Variants in MACROD2 observed in about 807,000 individuals in gnomAD.
MACROD2 encodes the protein ADP-ribose glycohydrolase MACROD2.
Under a neutral mutation model 70.4 loss-of-function variants are expected in MACROD2, and 36 were observed. The ratio of observed to expected loss-of-function variants is 0.51; its 90% CI spans 0.39 to 0.68. The LOEUF (loss-of-function observed/expected upper bound fraction) is 0.68. MACROD2 is among the 30% of genes least tolerant of loss of function. MACROD2 has a pLI of 0.00. For synonymous variants in MACROD2, 172 were observed against 178.8 expected (o/e 0.96, Z 0.30); for missense variants, 496 against 538.4 (o/e 0.92, Z 0.78).
chr20:15,799,737 G>A (rs2147069616), intron 8 of MACROD2, among the ~76,000 whole-genome samples: 1 of 152,258 alleles, frequency 6.6e-6, no homozygotes. Flanking sequence ...TGTTAACAGT[G>A]CAGCAATAAA....
At chr20:15,369,890 A>G (rs1252887957) in intron 6 of MACROD2, among the ~76,000 whole-genome samples, 1 of 152,160 alleles carries the variant, frequency 6.6e-6, no homozygotes, top group African/African-American at 2.4e-5. Flanking sequence ...AAGATTGTGA[A>G]GCAAAATGTG....
chr20:15,613,714 T>G (rs1468637443), intron 8 of MACROD2, among the ~76,000 whole-genome samples: 1 of 152,240 alleles, frequency 6.6e-6, no homozygotes, highest in Non-Finnish European at 1.5e-5. Flanking sequence ...TCCAGTCTTT[T>G]TTGACTTCGA....
intron 4 of MACROD2, among the ~76,000 whole-genome samples, chr20:14,526,400 T>C (rs1568654560): frequency 6.6e-6 from 1 of 152,310 alleles, no homozygotes; most frequent in East Asian, 1.9e-4. Context: ...TTGGGGGACA[T>C]ACTGACTCAA....
intron 8 of MACROD2, among the ~76,000 whole-genome samples, chr20:15,525,703 CTT>C (rs1170821078): frequency 6.6e-6 from 1 of 152,226 alleles, no homozygotes; most frequent in Non-Finnish European, 1.5e-5. Context: ...ACTAGTGAAA[CTT>C]TGTGTGTTTC....
At chr20:15,958,054 G>A (rs1403748667) in intron 12 of MACROD2, among the ~76,000 whole-genome samples, 1 of 152,190 alleles carries the variant, frequency 6.6e-6, no homozygotes, top group Non-Finnish European at 1.5e-5. Context: ...TAGACTCTTA[G>A]GGAAAGCTAC....
intron 8 of MACROD2, among the ~76,000 whole-genome samples, chr20:15,788,822 C>T (rs545174637): frequency 2.6e-5 from 4 of 152,172 alleles, no homozygotes; most frequent in South Asian, 2.1e-4. Flanking sequence ...ATTATGAGGG[C>T]GTTTTAAACC....
chr20:14,091,040 GTCT>G (rs903174167), intron 3 of MACROD2, among the ~76,000 whole-genome samples: 1 of 152,104 alleles, frequency 6.6e-6, no homozygotes, highest in East Asian at 1.9e-4. Context: ...TCATTTGTGT[GTCT>G]TCTTCTGAGA....
chr20:14,256,125 T>G (rs1421622226), intron 3 of MACROD2, among the ~76,000 whole-genome samples: 1 of 152,110 alleles, frequency 6.6e-6, no homozygotes, highest in African/African-American at 2.4e-5. Flanking sequence ...TTTTGCCTTT[T>G]TATGCCTAAA....
chr20:15,234,012 C>T (rs113791164), intron 6 of MACROD2, among the ~76,000 whole-genome samples: 2,390 of 28,478 alleles, frequency 0.084, 2 homozygotes, highest in Middle Eastern at 0.12. Flanking sequence ...TATATATATT[C>T]TTTTTTTTTT....
intron 8 of MACROD2, among the ~76,000 whole-genome samples, chr20:15,812,453 C>G (rs2063830953): frequency 6.6e-6 from 1 of 151,874 alleles, no homozygotes; most frequent in African/African-American, 2.4e-5. Context: ...TGGAAGAATA[C>G]CATACTGACA....
chr20:16,005,158 C>T (rs1407581847), intron 15 of MACROD2, among the ~76,000 whole-genome samples: 1 of 152,112 alleles, frequency 6.6e-6, no homozygotes, highest in Non-Finnish European at 1.5e-5. Flanking sequence ...ATTCTCTCTA[C>T]AAGGGTTGAA....
At chr20:16,045,218 T>C (rs2067363706) in intron 17 of MACROD2, among the ~76,000 whole-genome samples, 1 of 152,178 alleles carries the variant, frequency 6.6e-6, no homozygotes, top group Non-Finnish European at 1.5e-5. Flanking sequence ...TTTGTTACGT[T>C]GAATGAGCTT....
At chr20:14,571,004 C>A (rs1980156220) in intron 4 of MACROD2, among the ~76,000 whole-genome samples, 2 of 152,004 alleles carry the variant, frequency 1.3e-5, no homozygotes, top group East Asian at 3.9e-4. Context: ...ACTTTAAGCA[C>A]TTGTTAAGAA....
chr20:14,230,654 T>TATAA lies in MACROD2; in HGVS notation c.271+144927_271+144928insTAAA. Among the ~76,000 whole-genome samples the TATAA allele has an allele frequency of 2.7e-5, 2 of 74,240 alleles. 1 individual carries two copies. Among genetic ancestry groups the TATAA allele is most frequent in the Non-Finnish European group, 4.7e-5 (2 of 42,938 alleles). 48.7% of individuals were successfully genotyped at this position (74,240 alleles called of 152,430 possible). A position where few individuals can be genotyped will look rare whatever the true frequency, so the allele number is the denominator to read the frequency against. ...GTTTATATATATATATATATATATA[T>TATAA]AACACAGGCTGGGCCTATATATATA... is the stretch of plus-strand genomic sequence containing the variant. On this transcript the variant is annotated intron_variant, in intron 3 of 17. Coordinates refer to ENST00000684519, the MANE Select transcript of MACROD2 (RefSeq NM_001351661.2).
chr20:15,490,938 T>C (rs2047224227), intron 7 of MACROD2, among the ~76,000 whole-genome samples: 2 of 152,180 alleles, frequency 1.3e-5, no homozygotes, highest in African/African-American at 4.8e-5. Flanking sequence ...TTTCCCTCAA[T>C]ACAGTAAAGT....
intron 6 of MACROD2, among the ~76,000 whole-genome samples, chr20:15,380,202 A>G (rs1449464204): frequency 6.6e-6 from 1 of 152,184 alleles, no homozygotes; most frequent in Admixed American, 6.5e-5. Flanking sequence ...TCAGCACAGC[A>G]CTTATCACAA....
chr20:16,036,236 A>C (rs1167118861), intron 15 of MACROD2, among the ~76,000 whole-genome samples: 1 of 151,750 alleles, frequency 6.6e-6, no homozygotes, highest in African/African-American at 2.4e-5. Flanking sequence ...TGTTGTGTGA[A>C]GTTTACTGTC....
chr20:14,174,132 A>G (rs902423460), intron 3 of MACROD2, among the ~76,000 whole-genome samples: 2 of 152,070 alleles, frequency 1.3e-5, no homozygotes, highest in African/African-American at 4.8e-5. Flanking sequence ...TCAAGAGTGT[A>G]TCAGCTAGGG....
chr20:15,729,848 G>A (rs201959513), intron 8 of MACROD2, among the ~76,000 whole-genome samples: 1 of 4,218 alleles, frequency 2.4e-4, no homozygotes, highest in African/African-American at 8.8e-4. Flanking sequence ...TTTTTTTTTG[G>A]ATGGAGTTTC....
Sources: gnomAD v4.1 joint callset for allele counts (sites outside exome capture counted in the v4.1 genomes callset) on GRCh38, gnomAD v4.1.1 for gene constraint, MANE v1.5 for transcripts, NCBI Gene and HGNC (gene_info 2026-07-23, HGNC 2026-07-21) for gene names.